AASS: variants seen among roughly 807,000 people sequenced by gnomAD.
AASS encodes the protein aminoadipate-semialdehyde synthase.
In AASS, 86 loss-of-function variants were observed where a neutral mutation model predicts 105.4. That is an observed-to-expected ratio of 0.82 (90% CI 0.69 to 0.98). AASS has a LOEUF of 0.98. Ranked by LOEUF, AASS falls within the 50% of genes least tolerant of loss-of-function variation. AASS has a pLI of 0.00. For synonymous variants in AASS, 381 were observed against 394.8 expected, an observed-to-expected ratio of 0.96 and a Z score of 0.41; for missense variants, 1,048 against 1,143.2, an observed-to-expected ratio of 0.92 and a Z score of 1.20.
chr7:122,104,219 AC>A (rs1562924244), intron 11 of AASS, among the ~76,000 whole-genome samples: 1 of 152,110 alleles, frequency 6.6e-6, no homozygotes, highest in Non-Finnish European at 1.5e-5. Flanking sequence ...AAGTTATGGA[AC>A]CAATCTAGAT....
chr7:122,088,397 T>C (rs1177947348), intron 18 of AASS, among the ~76,000 whole-genome samples: 3 of 152,102 alleles, frequency 2.0e-5, no homozygotes, highest in Non-Finnish European at 4.4e-5. Context: ...CTTTAATCCA[T>C]GAAACAACTC....
intron 3 of AASS, among the ~76,000 whole-genome samples, chr7:122,127,060 T>C (rs1795689389): frequency 6.6e-6 from 1 of 152,166 alleles, no homozygotes; most frequent in Admixed American, 6.5e-5. Flanking sequence ...CTCCTCCTTC[T>C]CCTCTCTTTT....
chr7:122,131,036 A>C (rs1393467362), intron 2 of AASS, among the ~76,000 whole-genome samples: 1 of 149,998 alleles, frequency 6.7e-6, no homozygotes, highest in Non-Finnish European at 1.5e-5. Flanking sequence ...ATTTTTGCAA[A>C]AAAAAAAAAA....
At chr7:122,132,161 A>G (rs1270339799) in intron 2 of AASS, among the ~76,000 whole-genome samples, 1 of 152,220 alleles carries the variant, frequency 6.6e-6, no homozygotes, top group Non-Finnish European at 1.5e-5. Flanking sequence ...TAAACTCCTC[A>G]TAACAAGGCT....
At chr7:122,106,530 A>G (rs1257171234) in intron 11 of AASS, among the ~76,000 whole-genome samples, 3 of 152,120 alleles carry the variant, frequency 2.0e-5, no homozygotes, top group Admixed American at 6.6e-5. Flanking sequence ...AGTAACCAAA[A>G]CAGCATAAGA....
At position 122,126,597 on chromosome 7, in the gene AASS, G is replaced by A. The variant is rs1032445586; in HGVS notation, c.388-138C>T. 1.8e-5 allele frequency: 13 copies of A among 730,734 alleles called. No individual in the cohort carries two copies. The Admixed American group carries it at 2.5e-4, about 14-fold the overall frequency. 45.3% of individuals were successfully genotyped at this position (730,734 alleles called of 1,614,324 possible). A position where few individuals can be genotyped will look rare whatever the true frequency, so the allele number is the denominator to read the frequency against. On this transcript the variant is annotated intron_variant, in intron 3 of 23. Transcript: ENST00000417368. ...ACTTGCTAACAGAAGCTACCATCAG[G>A]TATACCATGAAATATTTAGAAAACG...
At chr7:122,130,657 C>T (rs546142670) in intron 2 of AASS, among the ~76,000 whole-genome samples, 2 of 151,624 alleles carry the variant, frequency 1.3e-5, no homozygotes, top group Non-Finnish European at 3.0e-5. Flanking sequence ...GAGGTATAAC[C>T]CAAGCAGAAT....
intron 4 of AASS, among the ~76,000 whole-genome samples, chr7:122,122,182 TG>T (rs1395099766): frequency 3.3e-5 from 5 of 152,206 alleles, no homozygotes; most frequent in African/African-American, 1.2e-4. Context: ...TGGGGTTTAT[TG>T]AACTTCACTT....
intron 18 of AASS, among the ~76,000 whole-genome samples, chr7:122,090,238 C>A (rs1052970362): frequency 1.3e-5 from 2 of 152,136 alleles, no homozygotes; most frequent in African/African-American, 4.8e-5. Flanking sequence ...CGGCATCAAG[C>A]TAAAGTGTCC....
intron 2 of AASS, among the ~76,000 whole-genome samples, chr7:122,131,309 A>C (rs770515929): frequency 2.2e-4 from 33 of 151,704 alleles, no homozygotes; most frequent in Non-Finnish European, 4.4e-4. Context: ...AACACTCTGA[A>C]TATTCATTGT....
intron 2 of AASS, among the ~76,000 whole-genome samples, chr7:122,132,676 C>A (rs915765649): frequency 1.3e-5 from 2 of 152,120 alleles, no homozygotes; most frequent in Non-Finnish European, 2.9e-5. Context: ...TCATGCCAAA[C>A]ATTTTTGGCA....
intron 15 of AASS, 75 bp downstream of exon 15, chr7:122,098,375 G>T: frequency 1.3e-6 from 2 of 1,550,108 alleles, no homozygotes; most frequent in Non-Finnish European, 1.8e-6. Flanking sequence ...GAAGAGAGGA[G>T]AAGTGAAAGA....
chr7:122,129,833 C>T (rs1795830023), intron 2 of AASS, among the ~76,000 whole-genome samples: 1 of 152,050 alleles, frequency 6.6e-6, no homozygotes. Flanking sequence ...CTTAAGCATA[C>T]TTGTGAAATG....
At position 122,140,485 on chromosome 7, in the gene AASS, C is replaced by CAAAAAAAAAAA. The variant is rs57828681; in HGVS notation, c.-16+3665_-16+3675dup. Among the ~76,000 whole-genome samples, 57 of 37,320 alleles carry CAAAAAAAAAAA rather than the reference C, an allele frequency of 1.5e-3. 1 individual carries two copies. The highest frequency in any genetic ancestry group is 3.7e-3 in the East Asian group (4 of 1,094). 24.5% of individuals were successfully genotyped at this position (37,320 alleles called of 152,430 possible). A position where few individuals can be genotyped will look rare whatever the true frequency, so the allele number is the denominator to read the frequency against. The stretch of plus-strand genomic sequence containing the variant: ...TGGGCGACAGAGCGAGACTCAGTCT[C>CAAAAAAAAAAA]AAAAAAAAAAAAAAAAAAAAAAAGA... On this transcript the variant is annotated intron_variant, in intron 1 of 23. Coordinates refer to ENST00000417368, the MANE Select transcript of AASS (RefSeq NM_005763.4).
intron 15 of AASS, 93 bp from the exon 16 acceptor site, chr7:122,093,251 T>C (rs1793993253): frequency 1.1e-6 from 1 of 923,680 alleles, no homozygotes. Context: ...CTTAAGGTAC[T>C]GTTCTGATTA....
intron 18 of AASS, 121 bp downstream of exon 18, chr7:122,091,582 G>A: frequency 2.8e-6 from 4 of 1,436,590 alleles, no homozygotes; most frequent in South Asian, 2.4e-5. Context: ...AACAACACAG[G>A]AGGAGATAAT....
chr7:122,075,682 T>G lies in AASS; in HGVS notation c.*807A>C, dbSNP rs755586440. Reference sequence around the variant, plus strand: ...GTTGAATTTTGTTAAATACTTTTCCTGTGCCTAATGAAGTGATCTTGTAAA... The same window carrying G: ...GTTGAATTTTGTTAAATACTTTTCCGGTGCCTAATGAAGTGATCTTGTAAA... On this transcript the variant is annotated 3_prime_UTR_variant, in exon 24 of 24. Transcript: ENST00000417368. The G allele has an allele frequency of 1.5e-4, 23 of 152,198 alleles. No homozygotes were observed. The highest frequency in any genetic ancestry group is 2.1e-4 in the South Asian group (1 of 4,834). 9.4% of individuals were successfully genotyped at this position (152,198 alleles called of 1,614,324 possible).
intron 23 of AASS, among the ~76,000 whole-genome samples, chr7:122,077,149 T>C (rs551179954): frequency 6.6e-6 from 1 of 152,322 alleles, no homozygotes; most frequent in Admixed American, 6.5e-5. Context: ...TTAGCTGATA[T>C]GCTACTATAC....
chr7:122,079,777 A>C, intron 20 of AASS, 65 bp from the exon 21 acceptor site: 1 of 1,027,160 alleles, frequency 9.7e-7, no homozygotes, highest in East Asian at 2.5e-5. Context: ...TTGACTGAAA[A>C]ATTATCCTAC....
Sources: allele counts gnomAD v4.1 joint callset (sites outside exome capture counted in the v4.1 genomes callset), GRCh38; gene constraint gnomAD v4.1.1; transcripts MANE v1.5; gene names NCBI Gene and HGNC (gene_info 2026-07-23, HGNC 2026-07-21).